Variants in ZNF813 observed in about 807,000 individuals in gnomAD.
ZNF813 encodes zinc finger protein 813.
ZNF813 carries 3 observed loss-of-function variants against 7.2 expected under a neutral mutation model. That is an observed-to-expected ratio of 0.42 (90% confidence interval 0.19 to 1.08). The LOEUF (loss-of-function observed/expected upper bound fraction) is 1.08, where lower values mean the gene tolerates loss of function less well. ZNF813 is among the 50% of genes least tolerant of loss of function. The probability of loss-of-function intolerance (pLI) is 0.30; values close to 1 mark genes in which losing one functional copy is unlikely to be tolerated. For synonymous variants in ZNF813, 227 were observed against 256.3 expected (o/e 0.89, Z 1.09); for missense variants, 714 against 753.3 (o/e 0.95, Z 0.61).
chr19:53,472,806 T>C (rs2086365866), intron 1 of ZNF813, among the ~76,000 whole-genome samples: 1 of 152,062 alleles, frequency 6.6e-6, no homozygotes, highest in African/African-American at 2.4e-5. Context: ...AAGACGGGGT[T>C]GTTCCATGTT....
intron 3 of ZNF813, among the ~76,000 whole-genome samples, chr19:53,489,657 C>G (rs1296948489): frequency 1.3e-5 from 2 of 152,106 alleles, no homozygotes; most frequent in African/African-American, 4.8e-5. Flanking sequence ...GCCTTTTCTG[C>G]ATAGGTATAG....
intron 3 of ZNF813, among the ~76,000 whole-genome samples, chr19:53,488,989 C>T (rs1485368125): frequency 1.3e-5 from 2 of 152,012 alleles, no homozygotes; most frequent in Non-Finnish European, 2.9e-5. Flanking sequence ...TGCAATATAA[C>T]TGACACAGTC....
intron 1 of ZNF813, among the ~76,000 whole-genome samples, chr19:53,482,498 C>T (rs1231977462): frequency 1.3e-5 from 2 of 152,138 alleles, no homozygotes; most frequent in Non-Finnish European, 2.9e-5. Flanking sequence ...TTTTCCCAAA[C>T]ATCAAAACCC....
At position 53,468,750 on chromosome 19, in the gene ZNF813, C is replaced by T. The variant is rs2086341031; in HGVS notation, c.-74+961C>T. 3.3e-5 allele frequency among the ~76,000 whole-genome samples: 5 copies of T among 152,238 alleles called. No individual in the cohort carries two copies. The South Asian group carries it at 1.0e-3, about 32-fold the overall frequency. ...GCATATCTCGCCTCCAGCCACAGGG[C>T]GGTTTTCTCCTATCTCAGAATAGAA... is the stretch of plus-strand genomic sequence containing the variant. On this transcript the variant is annotated intron_variant, in intron 1 of 3. Coordinates refer to ENST00000396403, the MANE Select transcript of ZNF813 (RefSeq NM_001004301.4).
intron 3 of ZNF813, among the ~76,000 whole-genome samples, chr19:53,487,465 G>C (rs2086439636): frequency 6.6e-6 from 1 of 152,104 alleles, no homozygotes; most frequent in African/African-American, 2.4e-5. Context: ...CAGTTCAGTG[G>C]TGCGATCTTG....
rs576740236 is a variant in ZNF813 at position 53,488,966 on chromosome 19, T to G, written c.143-1409T>G. On this transcript the variant is annotated intron_variant, in intron 3 of 3. Transcript: ENST00000396403. ...TTTTTATGATTGTACATAAAGCTTTTCGGTATGTGGTATGCAATATAACTG... is the reference window on the plus strand; with the variant it reads ...TTTTTATGATTGTACATAAAGCTTTGCGGTATGTGGTATGCAATATAACTG... Among the ~76,000 whole-genome samples, 5 of 152,294 alleles carry G rather than the reference T, an allele frequency of 3.3e-5. No individual in the cohort carries two copies. In the East Asian group the frequency reaches 7.7e-4, roughly 24 times the overall value.
intron 1 of ZNF813, among the ~76,000 whole-genome samples, chr19:53,481,879 A>T (rs191326182): frequency 2.4e-3 from 359 of 152,324 alleles, no homozygotes; most frequent in African/African-American, 8.5e-3. Context: ...ATTTTCAAGG[A>T]TAGGGGTGAT....
chr19:53,485,980 C>A lies in ZNF813; in HGVS notation c.16-652C>A, dbSNP rs141344560. Among the ~76,000 whole-genome samples the A allele has an allele frequency of 5.3e-5, 8 of 152,232 alleles. No homozygotes were observed. In the East Asian group the frequency reaches 1.5e-3, roughly 29 times the overall value. On this transcript the variant is annotated intron_variant, in intron 2 of 3. Transcript: ENST00000396403. ...ATGGTGCGATTTTGGATCATTGCAA[C>A]CTCTGCCTCCTGGGATCAAGCAATT...
intron 1 of ZNF813, among the ~76,000 whole-genome samples, chr19:53,474,303 C>CA (rs1345895833): frequency 2.6e-5 from 4 of 152,172 alleles, no homozygotes; most frequent in African/African-American, 9.7e-5. Flanking sequence ...TCTTGGGGGC[C>CA]AAGTGGGCCC....
At position 53,490,370 on chromosome 19, in the gene ZNF813, T is replaced by C; in HGVS notation, c.143-5T>C. 1 of 1,613,796 alleles carries C rather than the reference T, an allele frequency of 6.2e-7. No homozygotes were observed. The highest frequency in any genetic ancestry group is 8.5e-7 in the Non-Finnish European group (1 of 1,179,878). ...TGGAAACCTATTCGTGTTTATATTT[T>C]GTAGATATCTCTTCCAAATGCATGA... On this transcript the variant is annotated splice_polypyrimidine_tract_variant and splice_region_variant and intron_variant, in intron 3 of 3. Transcript: ENST00000396403.
rs201308173 is a variant in ZNF813 at position 53,469,077 on chromosome 19, G to A, written c.-74+1288G>A. 2.0e-3 allele frequency among the ~76,000 whole-genome samples: 299 copies of A among 149,224 alleles called. 1 individual carries two copies. The highest frequency in any genetic ancestry group is 4.3e-3 in the East Asian group (21 of 4,924). The stretch of plus-strand genomic sequence containing the variant: ...TTAACTGAGAATGGAGAATGGCGAT[G>A]ACTTTTACCAAGCATACTGCCTGCA... On this transcript the variant is annotated intron_variant, in intron 1 of 3. Coordinates refer to ENST00000396403, the MANE Select transcript of ZNF813 (RefSeq NM_001004301.4).
chr19:53,471,859 G>T (rs12459849), intron 1 of ZNF813, among the ~76,000 whole-genome samples: 5,892 of 97,726 alleles, frequency 0.06, 200 homozygotes, highest in East Asian at 0.15. Context: ...GGAAGAGTCA[G>T]TTAGAGTTAA....
chr19:53,477,453 A>G (rs371461343), intron 1 of ZNF813, among the ~76,000 whole-genome samples: 1 of 151,658 alleles, frequency 6.6e-6, no homozygotes, highest in South Asian at 2.1e-4. Context: ...CTCAGCCTGT[A>G]CTCCAGGAAT....
chr19:53,483,375 A>T (rs2086418449), intron 1 of ZNF813, among the ~76,000 whole-genome samples: 1 of 152,010 alleles, frequency 6.6e-6, no homozygotes, highest in African/African-American at 2.4e-5. Context: ...TTTTTGGTAG[A>T]GATGGGGTTT....
chr19:53,492,101 A>C lies in ZNF813; in HGVS notation c.*15A>C, dbSNP rs1365116930. ...CTTTTAATTGAAAAGCAAAGCTTGCACATCATCATACAATTCATACTGGAA... is the reference window on the plus strand; with the variant it reads ...CTTTTAATTGAAAAGCAAAGCTTGCCCATCATCATACAATTCATACTGGAA... On this transcript the variant is annotated 3_prime_UTR_variant, in exon 4 of 4. Coordinates refer to ENST00000396403, the MANE Select transcript of ZNF813 (RefSeq NM_001004301.4). The C allele has an allele frequency of 1.2e-6, 2 of 1,600,934 alleles. No individual in the cohort carries two copies. Among genetic ancestry groups the C allele is most frequent in the East Asian group, 4.5e-5 (2 of 44,472 alleles).
chr19:53,480,547 A>G (rs2147158066), intron 1 of ZNF813, among the ~76,000 whole-genome samples: 1 of 152,276 alleles, frequency 6.6e-6, no homozygotes, highest in African/African-American at 2.4e-5. Context: ...TCTGGTTCAG[A>G]TCAAGGTCTG....
rs140411155 is a variant in ZNF813, at chr19:53,493,281, T to A, written c.*1195T>A. 2,555 of 178,938 alleles carry A rather than the reference T, an allele frequency of 0.014. 66 individuals are homozygous for A. The highest frequency in any genetic ancestry group is 0.058 in the African/African-American group (2,434 of 42,172). 11.1% of individuals were successfully genotyped at this position (178,938 alleles called of 1,614,324 possible). The stretch of plus-strand genomic sequence containing the variant: ...GATAGGGATTTTTATGGGTACCGTG[T>A]TGAATCTAAATCACATTGGGTTATA... On this transcript the variant is annotated 3_prime_UTR_variant, in exon 4 of 4. Coordinates refer to ENST00000396403, the MANE Select transcript of ZNF813 (RefSeq NM_001004301.4).
At chr19:53,476,047 G>A (rs1050985320) in intron 1 of ZNF813, among the ~76,000 whole-genome samples, 5 of 152,114 alleles carry the variant, frequency 3.3e-5, no homozygotes, top group African/African-American at 1.2e-4. Flanking sequence ...TTGGGTGGCC[G>A]GGGTTGGAAG....
chr19:53,469,309 CTCTT>C (rs2086344374), intron 1 of ZNF813, among the ~76,000 whole-genome samples: 1 of 152,168 alleles, frequency 6.6e-6, no homozygotes, highest in African/African-American at 2.4e-5. Flanking sequence ...AGTCTGATTT[CTCTT>C]TCTTTTCCCC....
Sources: gnomAD v4.1 joint callset for allele counts (sites outside exome capture counted in the v4.1 genomes callset) on GRCh38, gnomAD v4.1.1 for gene constraint, MANE v1.5 for transcripts, NCBI Gene and HGNC (gene_info 2026-07-23, HGNC 2026-07-21) for gene names.